Variants in ANK3 observed in about 807,000 individuals in gnomAD.
ANK3 encodes ankyrin-3.
A neutral mutation model predicts 370.9 loss-of-function variants in ANK3; 57 were observed. The ratio of observed to expected loss-of-function variants is 0.15; its 90% confidence interval spans 0.12 to 0.19. The LOEUF (loss-of-function observed/expected upper bound fraction) is 0.19, where lower values mean the gene tolerates loss of function less well. Among genes scored for constraint, ANK3 ranks in the 10% least tolerant of loss-of-function variants. ANK3 has a pLI of 1.00. For missense variants in ANK3, 4,439 were observed against 5,302.1 expected (o/e 0.84, Z 5.06); for synonymous variants, 1,929 against 1,946.3 (o/e 0.99, Z 0.23).
At chr10:60,367,108 A>C (rs954860018) in intron 1 of ANK3, among the ~76,000 whole-genome samples, 20 of 152,178 alleles carry the variant, frequency 1.3e-4, no homozygotes, top group Non-Finnish European at 2.5e-4. Flanking sequence ...AAATACCACA[A>C]ACATGAAGTC....
intron 41 of ANK3, among the ~76,000 whole-genome samples, chr10:60,057,990 A>G (rs957571548): frequency 6.6e-6 from 1 of 152,220 alleles, no homozygotes; most frequent in African/African-American, 2.4e-5. Flanking sequence ...AAAATATAAA[A>G]TATGGTTATG....
chr10:60,043,449 C>G, intron 42 of ANK3: 1 of 984,952 alleles, frequency 1.0e-6, no homozygotes, highest in South Asian at 4.7e-5. Flanking sequence ...GGGTAGAGAT[C>G]TGAGAAACAA....
rs745784331 is a variant in ANK3, at chr10:60,069,388, C to T, written c.11493G>A (p.Lys3831=). 4 of 1,613,546 alleles carry T rather than the reference C, an allele frequency of 2.5e-6. No individual in the cohort carries two copies. The African/African-American group carries it at 4.0e-5, about 16-fold the overall frequency. Residue 3831 remains lysine (K), a synonymous_variant, in exon 37 of 44, where the codon AAG becomes AAA. Coordinates refer to ENST00000280772, the MANE Select transcript of ANK3 (RefSeq NM_020987.5). ...CACAGTGTCCTTGTAGTACCCCTGTCTTTTTTCCTGATGAGACTTTCACTG... is the reference window on the plus strand; with the variant it reads ...CACAGTGTCCTTGTAGTACCCCTGTTTTTTTTCCTGATGAGACTTTCACTG... The part of the protein sequence containing the change: ...DNPVKVSSGK[K]TGVLQGHCVR...
chr10:60,131,753 A>G (rs2094082614), intron 25 of ANK3, among the ~76,000 whole-genome samples: 1 of 152,180 alleles, frequency 6.6e-6, no homozygotes, highest in African/African-American at 2.4e-5. Flanking sequence ...TGGGTGGTAG[A>G]GTAACTATGG....
At chr10:60,156,033 A>G (rs899282736) in intron 23 of ANK3, among the ~76,000 whole-genome samples, 6 of 151,700 alleles carry the variant, frequency 4.0e-5, no homozygotes, top group African/African-American at 1.5e-4. Flanking sequence ...CTCCTAATAG[A>G]CTCCCCTTTA....
chr10:60,246,426 A>T (rs531740879), intron 7 of ANK3, among the ~76,000 whole-genome samples: 1 of 151,670 alleles, frequency 6.6e-6, no homozygotes, highest in Non-Finnish European at 1.5e-5. Context: ...TTCTACACCA[A>T]TTTTTCTCTG....
chr10:60,071,546 C>G lies in ANK3; in HGVS notation c.9335G>C (p.Gly3112Ala). ...CTGACTTATGATTTTTTTTACACCT[C>G]CTTGTTGTATCTCCTTTTCATATTG... ...GKQYEKEIQQGGVKKIISQEC... is the reference protein window; with the variant it reads ...GKQYEKEIQQAGVKKIISQEC... Residue 3112 changes from glycine (G) to alanine (A), a missense_variant, in exon 37 of 44, where the codon GGA becomes GCA. Physicochemically the swap from Gly to Ala is moderately conservative, Grantham distance 60 (BLOSUM62 0). Transcript: ENST00000280772. The G allele has an allele frequency of 6.2e-7, 1 of 1,614,034 alleles. No individual in the cohort carries two copies. The highest frequency in any genetic ancestry group is 8.5e-7 in the Non-Finnish European group (1 of 1,180,000).
intron 1 of ANK3, among the ~76,000 whole-genome samples, chr10:60,355,241 C>G (rs922300699): frequency 2.6e-5 from 4 of 152,084 alleles, no homozygotes; most frequent in African/African-American, 7.2e-5. Flanking sequence ...TACAAACCAA[C>G]AAATGAAAAA....
At chr10:60,622,918 C>G (rs1296370580) in intron 1 of ANK3, among the ~76,000 whole-genome samples, 4 of 152,182 alleles carry the variant, frequency 2.6e-5, no homozygotes, top group African/African-American at 9.7e-5. Context: ...GAACGCAATG[C>G]TAGTGTTTAC....
intron 18 of ANK3, among the ~76,000 whole-genome samples, chr10:60,173,734 T>C (rs1340828557): frequency 6.6e-6 from 1 of 152,112 alleles, no homozygotes. Flanking sequence ...ACAAGGTATA[T>C]CAAGTTAGTC....
chr10:60,202,101 T>C (rs533292879), intron 12 of ANK3, among the ~76,000 whole-genome samples: 4 of 151,926 alleles, frequency 2.6e-5, no homozygotes, highest in Admixed American at 6.6e-5. Flanking sequence ...TGTAGAAAAA[T>C]ACCCCCCATA....
rs1424116118 is a variant in ANK3 at position 60,088,214 on chromosome 10, G to A, written c.3473C>T (p.Thr1158Ile). ...GAAAGATGCTTGAACAAGGGGCACT[G>A]TGGTGCTGCTCAGAATTCCACCTTC... ...GPEGGILSST[T>I]VPLVQASFPE... The change falls in exon 29 of 44, where the codon ACA (threonine) becomes ATA (isoleucine). Residue 1158 changes from threonine to isoleucine, a missense_variant. This residue lies in a region of ANK3 where 702 missense variants were observed against 941.5 expected (regional missense o/e 0.75). Coordinates refer to ENST00000280772, the MANE Select transcript of ANK3 (RefSeq NM_020987.5). 2 of 1,614,088 alleles carry A rather than the reference G, an allele frequency of 1.2e-6. No homozygotes were observed. Among genetic ancestry groups the A allele is most frequent in the African/African-American group, 1.3e-5 (1 of 74,940 alleles).
chr10:60,044,451 T>A, intron 42 of ANK3: 1 of 572,142 alleles, frequency 1.7e-6, no homozygotes, highest in Non-Finnish European at 2.2e-6. Flanking sequence ...AAATAAGTTG[T>A]AAATTCTACT....
At chr10:60,353,101 G>A (rs1308662464) in intron 1 of ANK3, among the ~76,000 whole-genome samples, 5 of 151,426 alleles carry the variant, frequency 3.3e-5, no homozygotes, top group Non-Finnish European at 5.9e-5. Flanking sequence ...CTCCCACCTC[G>A]GACCACAAAT....
intron 1 of ANK3, among the ~76,000 whole-genome samples, chr10:60,354,406 T>C (rs1361745172): frequency 1.3e-4 from 20 of 152,224 alleles, no homozygotes. Flanking sequence ...ATGGATTACA[T>C]CTTCACCTGC....
At chr10:60,477,312 C>T (rs1336380007) in intron 2 of ANK3, among the ~76,000 whole-genome samples, 1 of 152,008 alleles carries the variant, frequency 6.6e-6, no homozygotes, top group Non-Finnish European at 1.5e-5. Flanking sequence ...TCATTCTCAA[C>T]TGGAACAAGA....
At chr10:60,571,816 A>C (rs1367496056) in intron 2 of ANK3, among the ~76,000 whole-genome samples, 3 of 152,218 alleles carry the variant, frequency 2.0e-5, no homozygotes, top group Non-Finnish European at 4.4e-5. Context: ...AAGAAAACCA[A>C]AATGAATCTA....
At chr10:60,068,579 G>A (rs923819347) in intron 37 of ANK3, 58 bp downstream of exon 37, 1 of 1,509,890 alleles carries the variant, frequency 6.6e-7, no homozygotes, top group Non-Finnish European at 8.9e-7. Context: ...TACAAACTAT[G>A]CTCGTTCTCC....
At chr10:60,425,732 G>T (rs185774490) in intron 2 of ANK3, among the ~76,000 whole-genome samples, 1 of 152,112 alleles carries the variant, frequency 6.6e-6, no homozygotes, top group Non-Finnish European at 1.5e-5. Context: ...GGCATGACAG[G>T]GAACGGCTGA....
Sources: allele counts gnomAD v4.1 joint callset (sites outside exome capture counted in the v4.1 genomes callset), GRCh38; gene constraint gnomAD v4.1.1; regional missense constraint gnomAD v4.1.1; transcripts MANE v1.5; gene names NCBI Gene and HGNC (gene_info 2026-07-23, HGNC 2026-07-21).